Variants in NPC1L1 observed in about 807,000 individuals in gnomAD.
NPC1L1 encodes the protein NPC1-like intracellular cholesterol transporter 1.
A neutral mutation model predicts 117.0 loss-of-function variants in NPC1L1; 98 were observed. That is an observed-to-expected ratio of 0.84 (90% CI 0.71 to 0.99). The LOEUF is 0.99. Among genes scored for constraint, NPC1L1 ranks in the 50% least tolerant of loss-of-function variants. The pLI, the probability that NPC1L1 is intolerant of heterozygous loss-of-function variation, is 0.00. For synonymous variants in NPC1L1, 729 were observed against 727.6 expected, an observed-to-expected ratio of 1.00 and a Z score of -0.03; for missense variants, 1,540 against 1,710.0, an observed-to-expected ratio of 0.90 and a Z score of 1.75.
intron 5 of NPC1L1, 130 bp downstream of exon 5, chr7:44,535,710 T>C: frequency 1.6e-6 from 2 of 1,257,308 alleles, no homozygotes; most frequent in Non-Finnish European, 2.3e-6. Context: ...TATTACCCTT[T>C]GGGGCAGCCA....
chr7:44,541,018 C>T (rs909346323), intron 1 of NPC1L1, among the ~76,000 whole-genome samples, 188 bp downstream of exon 1: 3 of 152,154 alleles, frequency 2.0e-5, no homozygotes, highest in Non-Finnish European at 4.4e-5. Context: ...AGCCTGTAAC[C>T]TGGAAACCCT....
Position 44,531,813 on chromosome 7 carries a change from C to T in NPC1L1, c.2579G>A (p.Ser860Asn). 6.3e-7 allele frequency: 1 copy of T among 1,589,486 alleles called. No individual in the cohort carries two copies. The highest frequency in any genetic ancestry group is 8.6e-7 in the Non-Finnish European group (1 of 1,168,294). The change falls in exon 10 of 19, where the codon AGC becomes AAC. Residue 860 changes from serine to asparagine, a missense_variant. Coordinates refer to ENST00000381160, the MANE Select transcript of NPC1L1 (RefSeq NM_001101648.2). ...GCTGATGTGGCACATGGAGTAGAGG[C>T]TCACTCCGAACAGGGCGAGAAACAG... ...LLLFLALFGV[S>N]LYSMCHISVG...
At position 44,539,417 on chromosome 7, in the gene NPC1L1, T is replaced by A; in HGVS notation, c.980A>T (p.Asp327Val). Residue 327 changes from aspartate to valine, a missense_variant, in exon 2 of 19, where the codon GAC (aspartate) becomes GTC (valine). By Grantham distance (152) the Asp-to-Val change is radical. Around this residue, in one of 3 missense-constraint regions of NPC1L1, gnomAD observed 793 missense variants for 820.4 expected, o/e 0.97. Coordinates refer to ENST00000381160, the MANE Select transcript of NPC1L1 (RefSeq NM_001101648.2). This position sits in a 1 kb window ranked among gnomAD's most constrained non-coding sequence, Gnocchi z 4.4. ...VDPKKGTSLS[D>V]KLSFSTHTLL... ...GGTGTGGGTGGAGAAGCTGAGCTTG[T>A]CAGAGAGGCTGGTGCCCTTCTTGGG... The A allele has an allele frequency of 6.2e-7, 1 of 1,614,128 alleles. No homozygotes were observed. Among genetic ancestry groups the A allele is most frequent in the South Asian group, 1.1e-5 (1 of 91,080 alleles).
Position 44,533,422 on chromosome 7 carries a change from T to C in NPC1L1, c.2409+9A>G, listed in dbSNP as rs1407096778. ...GCAGGTCCCTCAGTACTGGCCCAGCTGCCCCTACCTCCTGCCTCTTGCTGT... is the reference window on the plus strand; with the variant it reads ...GCAGGTCCCTCAGTACTGGCCCAGCCGCCCCTACCTCCTGCCTCTTGCTGT... On this transcript the variant is annotated intron_variant, in intron 8 of 18. Coordinates refer to ENST00000381160, the MANE Select transcript of NPC1L1 (RefSeq NM_001101648.2). 3 of 1,613,648 alleles carry C rather than the reference T, an allele frequency of 1.9e-6. No homozygotes were observed. Among genetic ancestry groups the C allele is most frequent in the Non-Finnish European group, 2.5e-6 (3 of 1,179,820 alleles).
intron 18 of NPC1L1, 122 bp downstream of exon 18, chr7:44,515,681 T>C: frequency 8.4e-7 from 1 of 1,194,726 alleles, no homozygotes. Context: ...GTCATAGTCC[T>C]GGCTTCTGAC....
intron 2 of NPC1L1, among the ~76,000 whole-genome samples, chr7:44,537,484 C>G (rs1202944957): frequency 6.6e-6 from 1 of 152,176 alleles, no homozygotes; most frequent in East Asian, 1.9e-4. Context: ...GCCCAGCAGC[C>G]AATGTTTTCA....
rs867158374 is a variant in NPC1L1 at position 44,524,184 on chromosome 7, G to T, written c.2638-1942C>A. ...ACTGCATAAATGCTCAGAGAAAAATGCAGTCTCAAAAATACCTGAGAAGAC... is the reference window on the plus strand; with the variant it reads ...ACTGCATAAATGCTCAGAGAAAAATTCAGTCTCAAAAATACCTGAGAAGAC... On this transcript the variant is annotated intron_variant, in intron 10 of 18. Coordinates refer to ENST00000381160, the MANE Select transcript of NPC1L1 (RefSeq NM_001101648.2). 3.3e-5 allele frequency among the ~76,000 whole-genome samples: 5 copies of T among 152,144 alleles called. No homozygotes were observed. The South Asian group carries it at 1.0e-3, about 32-fold the overall frequency.
Position 44,513,339 on chromosome 7 carries a change from G to T in NPC1L1, c.*108C>A. 9.4e-7 allele frequency: 1 copy of T among 1,069,298 alleles called. No individual in the cohort carries two copies. 66.2% of individuals were successfully genotyped at this position (1,069,298 alleles called of 1,614,324 possible). On this transcript the variant is annotated 3_prime_UTR_variant, in exon 19 of 19. Coordinates refer to ENST00000381160, the MANE Select transcript of NPC1L1 (RefSeq NM_001101648.2). ...AGTGACAGGCAGTCTCATGGGAATGGCCTCCCCTAGGATTTGAGGAGGGCG... is the reference window on the plus strand; with the variant it reads ...AGTGACAGGCAGTCTCATGGGAATGTCCTCCCCTAGGATTTGAGGAGGGCG...
intron 12 of NPC1L1, 128 bp downstream of exon 12, chr7:44,521,584 C>G (rs1801353999): frequency 6.8e-7 from 1 of 1,468,790 alleles, no homozygotes; most frequent in Non-Finnish European, 9.5e-7. Context: ...ACATCTGCAC[C>G]CATGCCCCCG....
chr7:44,533,663 C>T lies in NPC1L1; in HGVS notation c.2281+76G>A, dbSNP rs534357927. The T allele has an allele frequency of 3.1e-6, 5 of 1,606,826 alleles. No individual in the cohort carries two copies. The East Asian group carries it at 1.1e-4, about 36-fold the overall frequency. The stretch of plus-strand genomic sequence containing the variant: ...AAGGGAATCTGCACTATACCCACTG[C>T]CCTCTGGGAACTCCTAGGCCCCGGC... On this transcript the variant is annotated intron_variant, in intron 7 of 18. Transcript: ENST00000381160.
intron 16 of NPC1L1, 50 bp downstream of exon 16, chr7:44,516,652 TC>T: frequency 7.1e-7 from 1 of 1,418,396 alleles, no homozygotes; most frequent in Non-Finnish European, 9.8e-7. Flanking sequence ...TGAGGCTGGA[TC>T]CCCAACCACC....
Position 44,536,957 on chromosome 7 carries a change from C to A in NPC1L1, c.1581-15G>T. On this transcript the variant is annotated splice_polypyrimidine_tract_variant and intron_variant, in intron 2 of 18. Coordinates refer to ENST00000381160, the MANE Select transcript of NPC1L1 (RefSeq NM_001101648.2). The surrounding 1 kb of genome is among the most constrained non-coding windows in gnomAD (Gnocchi z 4.7). ...TGAGCGGGGCACTAGAGGGAGATGACCGCAAAGGGAAAGGGCCTTTCCTGG... is the reference window on the plus strand; with the variant it reads ...TGAGCGGGGCACTAGAGGGAGATGAACGCAAAGGGAAAGGGCCTTTCCTGG... 6.2e-7 allele frequency: 1 copy of A among 1,610,436 alleles called. No individual in the cohort carries two copies. The highest frequency in any genetic ancestry group is 1.1e-5 in the South Asian group (1 of 90,934).
chr7:44,539,603 G>T lies in NPC1L1; in HGVS notation c.794C>A (p.Ala265Asp). 1 of 1,613,966 alleles carries T rather than the reference G, an allele frequency of 6.2e-7. No homozygotes were observed. Among genetic ancestry groups the T allele is most frequent in the Non-Finnish European group, 8.5e-7 (1 of 1,180,008 alleles). The change falls in exon 2 of 19, where the codon GCC (alanine) becomes GAC (aspartate). Residue 265 changes from alanine (A) to aspartate (D), a missense_variant. Ala to Asp is a moderately radical substitution (Grantham distance 126). This residue lies in a region of NPC1L1 where 793 missense variants were observed against 820.4 expected (regional missense o/e 0.97). Transcript: ENST00000381160. This position sits in a 1 kb window ranked among gnomAD's most constrained non-coding sequence, Gnocchi z 4.4. ...GTCGAGGGCCTGGGGGCGGGCTATG[G>T]CAGGACAGGATGCAGCACAGTCTTG... The part of the protein sequence containing the change: ...SCQDCAASCP[A>D]IARPQALDST...
At chr7:44,530,489 C>T (rs1585141361) in intron 10 of NPC1L1, among the ~76,000 whole-genome samples, 1 of 151,946 alleles carries the variant, frequency 6.6e-6, no homozygotes, top group East Asian at 1.9e-4. Context: ...TATGAGTGTA[C>T]TTAATATCAC....
chr7:44,513,427 A>C lies in NPC1L1; in HGVS notation c.*20T>G. On this transcript the variant is annotated 3_prime_UTR_variant, in exon 19 of 19. Coordinates refer to ENST00000381160, the MANE Select transcript of NPC1L1 (RefSeq NM_001101648.2). ...CCTTTGGTTCAGGGCCATAGAGCCT[A>C]GACAGGGCCTCTGGCTGTATCAGAA... 1 of 1,611,596 alleles carries C rather than the reference A, an allele frequency of 6.2e-7. No individual in the cohort carries two copies. The highest frequency in any genetic ancestry group is 8.5e-7 in the Non-Finnish European group (1 of 1,177,694).
At chr7:44,532,283 GC>G in intron 8 of NPC1L1, 66 bp from the exon 9 acceptor site, 3 of 1,604,068 alleles carry the variant, frequency 1.9e-6, no homozygotes, top group African/African-American at 1.3e-5. Flanking sequence ...CCACCTTCTT[GC>G]CCCCAGGGAG....
intron 15 of NPC1L1, 105 bp from the exon 16 acceptor site, chr7:44,517,039 T>C (rs1378203747): frequency 6.2e-6 from 9 of 1,442,092 alleles, no homozygotes; most frequent in South Asian, 1.2e-5. Flanking sequence ...GGCAGGCTTA[T>C]ATTGGGGTAC....
At position 44,516,214 on chromosome 7, in the gene NPC1L1, G is replaced by T; in HGVS notation, c.3520-17C>A. 1 of 1,584,058 alleles carries T rather than the reference G, an allele frequency of 6.3e-7. No homozygotes were observed. Among genetic ancestry groups the T allele is most frequent in the Non-Finnish European group, 8.6e-7 (1 of 1,163,608 alleles). On this transcript the variant is annotated splice_polypyrimidine_tract_variant and intron_variant, in intron 16 of 18. Coordinates refer to ENST00000381160, the MANE Select transcript of NPC1L1 (RefSeq NM_001101648.2). ...GCCCACCGCCTATGGGCAGAGAGGG[G>T]GCATAAGCCAAGAAAGGCAGAGGTG...
Position 44,538,943 on chromosome 7 carries a change from C to T in NPC1L1, c.1454G>A (p.Cys485Tyr), listed in dbSNP as rs762377047. The change falls in exon 2 of 19, where the codon TGC becomes TAC. Residue 485 changes from cysteine (C) to tyrosine (Y), a missense_variant. This residue lies in a region of NPC1L1 where 793 missense variants were observed against 820.4 expected (regional missense o/e 0.97). Transcript: ENST00000381160. This position sits in a 1 kb window ranked among gnomAD's most constrained non-coding sequence, Gnocchi z 5.9. Reference sequence around the variant, plus strand: ...ATACTGCAGGAGGCTGTTGATGCAGCAGTCGTAGAGACTGGTATTGTCCGG... The same window carrying T: ...ATACTGCAGGAGGCTGTTGATGCAGTAGTCGTAGAGACTGGTATTGTCCGG... ...LNPDNTSLYDCCINSLLQYFQ... is the reference protein window; with the variant it reads ...LNPDNTSLYDYCINSLLQYFQ... The T allele has an allele frequency of 6.2e-7, 1 of 1,614,208 alleles. No homozygotes were observed. Among genetic ancestry groups the T allele is most frequent in the Non-Finnish European group, 8.5e-7 (1 of 1,180,030 alleles).
Sources: allele counts gnomAD v4.1 joint callset (sites outside exome capture counted in the v4.1 genomes callset), GRCh38; gene constraint gnomAD v4.1.1; regional missense constraint gnomAD v4.1.1; non-coding constraint Gnocchi (gnomAD v3.1); transcripts MANE v1.5; gene names NCBI Gene and HGNC (gene_info 2026-07-23, HGNC 2026-07-21).